GUCY1A2: variants seen among roughly 807,000 people sequenced by gnomAD.
GUCY1A2 encodes guanylate cyclase soluble subunit alpha-2.
A neutral mutation model predicts 63.5 loss-of-function variants in GUCY1A2; 27 were observed. The ratio of observed to expected loss-of-function variants is 0.43; its 90% CI spans 0.31 to 0.59. The LOEUF is 0.59. Among genes scored for constraint, GUCY1A2 ranks in the 20% least tolerant of loss-of-function variants. The pLI, the probability that GUCY1A2 is intolerant of heterozygous loss-of-function variation, is 0.11. For synonymous variants in GUCY1A2, 364 were observed against 343.5 expected, an observed-to-expected ratio of 1.06 and a Z score of -0.66; for missense variants, 768 against 913.3, an observed-to-expected ratio of 0.84 and a Z score of 2.05.
intron 1 of GUCY1A2, among the ~76,000 whole-genome samples, chr11:107,005,285 A>AT (rs1474212013): frequency 1.3e-5 from 2 of 152,048 alleles, no homozygotes; most frequent in East Asian, 1.9e-4. Flanking sequence ...CATTTTTTAA[A>AT]TTTTTTTGGA....
At chr11:106,772,889 CTTTT>C (rs1187201292) in intron 6 of GUCY1A2, among the ~76,000 whole-genome samples, 1 of 152,074 alleles carries the variant, frequency 6.6e-6, no homozygotes, top group African/African-American at 2.4e-5. Context: ...GACAGTATTC[CTTTT>C]GTTTGTTTTC....
intron 6 of GUCY1A2, among the ~76,000 whole-genome samples, chr11:106,751,868 A>G (rs1348842552): frequency 1.3e-5 from 2 of 152,174 alleles, no homozygotes. Flanking sequence ...ATCAGGATAT[A>G]ATTTTCCATA....
chr11:106,705,884 CG>C (rs1862901315), intron 7 of GUCY1A2, among the ~76,000 whole-genome samples: 2 of 151,788 alleles, frequency 1.3e-5, no homozygotes, highest in Non-Finnish European at 1.5e-5. Context: ...AAACAAAACA[CG>C]GGCCTTTGAA....
intron 6 of GUCY1A2, among the ~76,000 whole-genome samples, chr11:106,748,751 T>G (rs1161491504): frequency 6.6e-6 from 1 of 152,198 alleles, no homozygotes; most frequent in Non-Finnish European, 1.5e-5. Context: ...AATATTTACC[T>G]TCTTAGGTAA....
At chr11:106,901,318 C>G (rs1379811486) in intron 4 of GUCY1A2, among the ~76,000 whole-genome samples, 1 of 152,168 alleles carries the variant, frequency 6.6e-6, no homozygotes, top group Non-Finnish European at 1.5e-5. Flanking sequence ...GCTATTTTCA[C>G]CAGCATCTGC....
intron 3 of GUCY1A2, among the ~76,000 whole-genome samples, chr11:106,941,196 A>ATT (rs1352544378): frequency 6.6e-6 from 1 of 152,212 alleles, no homozygotes; most frequent in Non-Finnish European, 1.5e-5. Context: ...ATTAAAGGTT[A>ATT]TTGTTAAGTT....
chr11:106,799,397 T>C (rs963305948), intron 5 of GUCY1A2, among the ~76,000 whole-genome samples: 4 of 152,138 alleles, frequency 2.6e-5, no homozygotes, highest in Non-Finnish European at 4.4e-5. Flanking sequence ...AAAAAACTAC[T>C]TTAAAGTTCA....
intron 7 of GUCY1A2, among the ~76,000 whole-genome samples, chr11:106,699,812 C>CG (rs951006482): frequency 7.3e-5 from 11 of 151,244 alleles, no homozygotes; most frequent in African/African-American, 2.7e-4. Flanking sequence ...GGCGGAGTCT[C>CG]GGTCTGTCGC....
chr11:106,926,788 T>G (rs1009153532), intron 4 of GUCY1A2, among the ~76,000 whole-genome samples: 1 of 151,850 alleles, frequency 6.6e-6, no homozygotes, highest in Non-Finnish European at 1.5e-5. Context: ...AAAACTAAAG[T>G]GATCAAACCA....
chr11:106,982,460 A>C (rs1861349658), intron 2 of GUCY1A2, among the ~76,000 whole-genome samples: 1 of 152,158 alleles, frequency 6.6e-6, no homozygotes, highest in Non-Finnish European at 1.5e-5. Flanking sequence ...CCCCTTGCTC[A>C]TTCTAGGTGG....
At chr11:106,820,489 C>T (rs1201277675) in intron 4 of GUCY1A2, among the ~76,000 whole-genome samples, 1 of 152,180 alleles carries the variant, frequency 6.6e-6, no homozygotes, top group Non-Finnish European at 1.5e-5. Context: ...ACCTCTCCCT[C>T]CCAGGTTCAA....
intron 7 of GUCY1A2, among the ~76,000 whole-genome samples, chr11:106,698,396 G>T (rs915986477): frequency 6.6e-6 from 1 of 151,600 alleles, no homozygotes; most frequent in African/African-American, 2.4e-5. Flanking sequence ...TGCTAGGATT[G>T]CAGGCATGAG....
In GUCY1A2 at chr11:106,796,402, C is replaced by A. The variant is rs185804583; in HGVS notation, c.1692+13591G>T. 6.9e-3 allele frequency among the ~76,000 whole-genome samples: 1,047 copies of A among 152,272 alleles called. 8 individuals carry two copies. Among genetic ancestry groups the A allele is most frequent in the South Asian group, 0.03 (145 of 4,828 alleles). ...AGTTGCTGCAGTTTCTTCCTAGCAT[C>A]GATGGTCTTTACAATTTGGCATGTT... On this transcript the variant is annotated intron_variant, in intron 5 of 7. Transcript: ENST00000526355.
chr11:106,920,159 C>CCA (rs1162011394), intron 4 of GUCY1A2, among the ~76,000 whole-genome samples: 1 of 149,564 alleles, frequency 6.7e-6, no homozygotes, highest in Non-Finnish European at 1.5e-5. Flanking sequence ...TTAAAAAAAA[C>CCA]CACACACACA....
chr11:106,846,248 G>T (rs1243409434), intron 4 of GUCY1A2, among the ~76,000 whole-genome samples: 3 of 151,562 alleles, frequency 2.0e-5, no homozygotes, highest in Admixed American at 6.6e-5. Context: ...GTTAATTTTG[G>T]GGGGTACTGT....
chr11:106,810,311 C>T lies in GUCY1A2; in HGVS notation c.1374G>A (p.Gln458=). Reference sequence around the variant, plus strand: ...TCTTCAACCCATCTTGGGCCTTTGCCTGCTCACCAACCAAAATGACATCTC... The same window carrying T: ...TCTTCAACCCATCTTGGGCCTTTGCTTGCTCACCAACCAAAATGACATCTC... ...ATRDVILVGE[Q]AKAQDGLKKR... The change falls in exon 5 of 8, where the codon CAG becomes CAA. Residue 458 remains glutamine (Q), a synonymous_variant. Transcript: ENST00000526355. The T allele has an allele frequency of 6.2e-7, 1 of 1,613,896 alleles. No homozygotes were observed. Among genetic ancestry groups the T allele is most frequent in the East Asian group, 2.2e-5 (1 of 44,864 alleles).
chr11:106,848,967 C>G (rs184585873), intron 4 of GUCY1A2, among the ~76,000 whole-genome samples: 3 of 151,566 alleles, frequency 2.0e-5, no homozygotes, highest in African/African-American at 7.2e-5. Flanking sequence ...TCAAAGTCTT[C>G]TAAGCCAATT....
chr11:106,690,383 G>C (rs1471362808), intron 7 of GUCY1A2, among the ~76,000 whole-genome samples: 2 of 152,180 alleles, frequency 1.3e-5, no homozygotes, highest in African/African-American at 4.8e-5. Flanking sequence ...AACATGGATG[G>C]AGCTGGAGGC....
chr11:106,742,621 T>C (rs958495762), intron 6 of GUCY1A2, among the ~76,000 whole-genome samples: 2 of 152,208 alleles, frequency 1.3e-5, no homozygotes, highest in Non-Finnish European at 2.9e-5. Context: ...TACATGTCTT[T>C]GCTATTGTGA....
Sources: gnomAD v4.1 joint callset for allele counts (sites outside exome capture counted in the v4.1 genomes callset) on GRCh38, gnomAD v4.1.1 for gene constraint, MANE v1.5 for transcripts, NCBI Gene and HGNC (gene_info 2026-07-23, HGNC 2026-07-21) for gene names.